Variants in DCAF13 observed in about 807,000 individuals in gnomAD.
DCAF13 encodes DDB1- and CUL4-associated factor 13.
A neutral mutation model predicts 59.0 loss-of-function variants in DCAF13; 38 were observed. The observed-to-expected ratio is 0.64, with a 90% CI of 0.50 to 0.84. The LOEUF (loss-of-function observed/expected upper bound fraction) is 0.84, where lower values mean the gene tolerates loss of function less well. Among genes scored for constraint, DCAF13 ranks in the 40% least tolerant of loss-of-function variants. The pLI is 0.00. For missense variants in DCAF13, 469 were observed against 558.4 expected, an observed-to-expected ratio of 0.84 and a Z score of 1.61; for synonymous variants, 173 against 175.0, an observed-to-expected ratio of 0.99 and a Z score of 0.09.
At chr8:103,420,576 C>G in intron 2 of DCAF13, 113 bp downstream of exon 2, 1 of 1,143,372 alleles carries the variant, frequency 8.7e-7, no homozygotes, top group Non-Finnish European at 1.2e-6. Flanking sequence ...ATTTACTTCT[C>G]AAGACTAAAT....
intron 8 of DCAF13, among the ~76,000 whole-genome samples, chr8:103,438,877 C>G (rs1816967900): frequency 6.6e-6 from 1 of 152,038 alleles, no homozygotes; most frequent in African/African-American, 2.4e-5. Flanking sequence ...TTTTTCTGAC[C>G]TTGTATTTTA....
At chr8:103,418,867 T>TATATA (rs1491287087) in intron 1 of DCAF13, among the ~76,000 whole-genome samples, 6 of 8,946 alleles carry the variant, frequency 6.7e-4, no homozygotes, top group African/African-American at 1.7e-3. Flanking sequence ...TATATATATA[T>TATATA]TTTTTTTTTT....
At chr8:103,420,831 T>C (rs1403670636) in intron 2 of DCAF13, 144 bp from the exon 3 acceptor site, 2 of 622,652 alleles carry the variant, frequency 3.2e-6, no homozygotes, top group South Asian at 2.0e-5. Context: ...AGTATACTTA[T>C]CCATATGCAT....
intron 6 of DCAF13, among the ~76,000 whole-genome samples, chr8:103,431,736 G>A (rs1816867936): frequency 1.3e-5 from 2 of 151,982 alleles, no homozygotes; most frequent in Admixed American, 1.3e-4. Flanking sequence ...TGAGGTACTA[G>A]TTTAATGAAT....
intron 3 of DCAF13, among the ~76,000 whole-genome samples, chr8:103,424,047 C>G (rs755310481): frequency 6.6e-6 from 1 of 150,618 alleles, no homozygotes; most frequent in Non-Finnish European, 1.5e-5. Context: ...GAGATGAAGT[C>G]TCCCTCTGTC....
intron 9 of DCAF13, 183 bp downstream of exon 9, chr8:103,440,454 A>G: frequency 2.1e-6 from 1 of 467,546 alleles, no homozygotes; most frequent in Non-Finnish European, 3.7e-6. Context: ...CTGATCTATT[A>G]TTGTAGACAC....
chr8:103,436,664 G>A (rs887461923), intron 8 of DCAF13, among the ~76,000 whole-genome samples: 9 of 152,078 alleles, frequency 5.9e-5, no homozygotes, highest in Admixed American at 3.3e-4. Flanking sequence ...TTTTGTTCTC[G>A]AGTTTTCACT....
chr8:103,434,903 G>A (rs1391430830), intron 7 of DCAF13, among the ~76,000 whole-genome samples: 1 of 152,012 alleles, frequency 6.6e-6, no homozygotes, highest in Non-Finnish European at 1.5e-5. Flanking sequence ...ATCACCAGTA[G>A]GAGTATAAAT....
At chr8:103,426,258 CT>C in intron 4 of DCAF13, 113 bp downstream of exon 4, 1 of 615,120 alleles carries the variant, frequency 1.6e-6, no homozygotes, top group Non-Finnish European at 2.7e-6. Flanking sequence ...AAACGAAAGA[CT>C]TTAGGCTGTA....
At chr8:103,418,850 A>T (rs193004282) in intron 1 of DCAF13, among the ~76,000 whole-genome samples, 332 of 17,992 alleles carry the variant, frequency 0.018, 10 homozygotes, top group African/African-American at 0.074. Flanking sequence ...ATATATATAT[A>T]TATATATATA....
chr8:103,427,026 T>C (rs1816799962), intron 4 of DCAF13, 71 bp from the exon 5 acceptor site: 2 of 1,194,702 alleles, frequency 1.7e-6, no homozygotes, highest in African/African-American at 1.6e-5. Flanking sequence ...TAGATAAATA[T>C]ATTTAAAATA....
At chr8:103,425,902 A>C (rs1486891563) in intron 3 of DCAF13, among the ~76,000 whole-genome samples, 154 bp from the exon 4 acceptor site, 1 of 152,216 alleles carries the variant, frequency 6.6e-6, no homozygotes, top group Non-Finnish European at 1.5e-5. Flanking sequence ...CTTTACTAAA[A>C]CAAGGTGGGA....
intron 7 of DCAF13, among the ~76,000 whole-genome samples, chr8:103,434,542 A>G (rs979068482): frequency 1.3e-5 from 2 of 152,096 alleles, no homozygotes; most frequent in East Asian, 1.9e-4. Context: ...TCATTTGGTT[A>G]GGGTGGTGTC....
At chr8:103,440,652 G>C (rs1487500663) in intron 9 of DCAF13, 1 of 154,504 alleles carries the variant, frequency 6.5e-6, no homozygotes, top group Non-Finnish European at 1.4e-5. Flanking sequence ...CTCAAAGGCT[G>C]CAAGTCCCTG....
intron 5 of DCAF13, chr8:103,429,813 G>A (rs1378919518): frequency 2.0e-5 from 3 of 152,132 alleles, no homozygotes; most frequent in African/African-American, 7.2e-5. Context: ...CATTAAAATG[G>A]ACATATCCCA....
intron 6 of DCAF13, among the ~76,000 whole-genome samples, chr8:103,432,355 G>A (rs768983000): frequency 4.1e-4 from 63 of 152,112 alleles, no homozygotes; most frequent in Non-Finnish European, 7.4e-4. Context: ...CATTAATTTT[G>A]CCCCTAATTT....
chr8:103,418,846 A>ATATTTATATATT (rs1184235785), intron 1 of DCAF13, among the ~76,000 whole-genome samples: 2 of 15,754 alleles, frequency 1.3e-4, no homozygotes, highest in African/African-American at 6.8e-4. Context: ...ATATATATAT[A>ATATTTATATATT]TATATATATA....
In DCAF13 at chr8:103,432,126, C is replaced by T. The variant is rs73287968; in HGVS notation, c.703-533C>T. 9.9e-4 allele frequency among the ~76,000 whole-genome samples: 150 copies of T among 152,270 alleles called. 1 individual carries two copies. The highest frequency in any genetic ancestry group is 3.2e-3 in the African/African-American group (135 of 41,556). Reference sequence around the variant, plus strand: ...GTTCTTAGTCAGGGATTGTAGTCCCCTACCAGGTACAGTTCTGGGAATGCA... The same window carrying T: ...GTTCTTAGTCAGGGATTGTAGTCCCTTACCAGGTACAGTTCTGGGAATGCA... On this transcript the variant is annotated intron_variant, in intron 6 of 10. Transcript: ENST00000612750.
intron 5 of DCAF13, chr8:103,429,950 T>G (rs2130487496): frequency 6.6e-6 from 1 of 152,274 alleles, no homozygotes; most frequent in Non-Finnish European, 1.5e-5. Flanking sequence ...AGGAAATAAT[T>G]CAAAAGAAGA....
Sources: gnomAD v4.1 joint callset for allele counts (sites outside exome capture counted in the v4.1 genomes callset) on GRCh38, gnomAD v4.1.1 for gene constraint, MANE v1.5 for transcripts, NCBI Gene and HGNC (gene_info 2026-07-23, HGNC 2026-07-21) for gene names.